SGCZ: variants seen among roughly 807,000 people sequenced by gnomAD.
SGCZ encodes the protein sarcoglycan zeta.
In SGCZ, 40 loss-of-function variants were observed where a neutral mutation model predicts 41.3. That is an observed-to-expected ratio of 0.97 (90% confidence interval 0.75 to 1.26). SGCZ has a LOEUF of 1.26. SGCZ is among the 50% of genes most tolerant of loss of function. The pLI is 0.00. For missense variants in SGCZ, 552 were observed against 369.8 expected (o/e 1.49, Z -4.04); for synonymous variants, 206 against 137.5 (o/e 1.50, Z -3.49).
chr8:14,869,719 G>A (rs761659253), intron 1 of SGCZ, among the ~76,000 whole-genome samples: 3 of 152,066 alleles, frequency 2.0e-5, no homozygotes, highest in Admixed American at 1.3e-4. Flanking sequence ...TCTCTTTAAG[G>A]TGATAAGCAA....
intron 1 of SGCZ, among the ~76,000 whole-genome samples, chr8:14,875,251 A>G (rs1478638777): frequency 6.6e-6 from 1 of 152,194 alleles, no homozygotes; most frequent in Non-Finnish European, 1.5e-5. Context: ...CAGAAAGGTC[A>G]AGAGGGTACT....
chr8:14,496,929 C>T (rs555160245), intron 2 of SGCZ, among the ~76,000 whole-genome samples: 173 of 152,200 alleles, frequency 1.1e-3, no homozygotes, highest in Non-Finnish European at 2.2e-3. Flanking sequence ...TACATTCCCA[C>T]ATTGTTGTAG....
intron 1 of SGCZ, among the ~76,000 whole-genome samples, chr8:15,217,416 CAAAA>C (rs35784389): frequency 8.4e-6 from 1 of 118,814 alleles, no homozygotes. Flanking sequence ...GACTCCGTCT[CAAAA>C]AAAAAAAAAA....
At chr8:15,060,472 G>A (rs111698189) in intron 1 of SGCZ, among the ~76,000 whole-genome samples, 11,584 of 131,122 alleles carry the variant, frequency 0.088, 725 homozygotes, top group African/African-American at 0.19. Flanking sequence ...TGAACAATGA[G>A]AACACTTGGA....
At chr8:15,186,613 G>A (rs1800353386) in intron 1 of SGCZ, among the ~76,000 whole-genome samples, 1 of 152,044 alleles carries the variant, frequency 6.6e-6, no homozygotes. Flanking sequence ...TTCAAAAGAT[G>A]GCATTAAAAT....
intron 2 of SGCZ, among the ~76,000 whole-genome samples, chr8:14,353,598 T>C (rs1803180499): frequency 6.6e-6 from 1 of 152,126 alleles, no homozygotes. Flanking sequence ...ACCCTTGATG[T>C]CTTCCTTTCA....
chr8:14,503,337 C>T (rs983847867), intron 2 of SGCZ, among the ~76,000 whole-genome samples: 8 of 152,038 alleles, frequency 5.3e-5, no homozygotes, highest in African/African-American at 7.2e-5. Flanking sequence ...AGGAGGAATA[C>T]CTAACGTAGA....
chr8:14,704,495 C>T (rs1809265756), intron 1 of SGCZ, among the ~76,000 whole-genome samples: 1 of 151,814 alleles, frequency 6.6e-6, no homozygotes, highest in Non-Finnish European at 1.5e-5. Context: ...ATTAATTCAC[C>T]TTAATGATTA....
At chr8:14,497,111 A>G (rs1398965029) in intron 2 of SGCZ, among the ~76,000 whole-genome samples, 1 of 152,196 alleles carries the variant, frequency 6.6e-6, no homozygotes, top group Non-Finnish European at 1.5e-5. Context: ...GTTACGCGTC[A>G]CAATCTGTCA....
At chr8:14,636,892 T>C (rs765734589) in intron 1 of SGCZ, among the ~76,000 whole-genome samples, 1 of 151,900 alleles carries the variant, frequency 6.6e-6, no homozygotes, top group Admixed American at 6.6e-5. Context: ...TGGAAATGTT[T>C]TATTACTAAA....
intron 3 of SGCZ, among the ~76,000 whole-genome samples, chr8:14,246,183 A>T (rs1490805732): frequency 5.9e-5 from 9 of 152,200 alleles, no homozygotes; most frequent in Admixed American, 5.9e-4. Flanking sequence ...AATAGCAAAG[A>T]CTTGGAACCA....
At chr8:14,794,888 A>T (rs1403887064) in intron 1 of SGCZ, among the ~76,000 whole-genome samples, 4 of 152,198 alleles carry the variant, frequency 2.6e-5, no homozygotes, top group African/African-American at 9.6e-5. Flanking sequence ...AAATGCCTTT[A>T]AAAAATCTAA....
intron 1 of SGCZ, among the ~76,000 whole-genome samples, chr8:14,718,885 G>A (rs1179362448): frequency 7.1e-6 from 1 of 141,648 alleles, no homozygotes; most frequent in Non-Finnish European, 1.5e-5. Flanking sequence ...TTTGTTTTAG[G>A]GCACATGTGC....
intron 1 of SGCZ, among the ~76,000 whole-genome samples, chr8:14,893,961 T>C (rs966507567): frequency 6.6e-6 from 1 of 152,144 alleles, no homozygotes; most frequent in African/African-American, 2.4e-5. Context: ...TTCTATGCTG[T>C]TTGTAACACT....
At chr8:14,723,365 C>T (rs1345296572) in intron 1 of SGCZ, among the ~76,000 whole-genome samples, 1 of 152,196 alleles carries the variant, frequency 6.6e-6, no homozygotes, top group African/African-American at 2.4e-5. Flanking sequence ...GACTGGGGCA[C>T]TGCCCACTCT....
intron 2 of SGCZ, among the ~76,000 whole-genome samples, chr8:14,470,611 T>C (rs1346893987): frequency 6.6e-6 from 1 of 152,172 alleles, no homozygotes; most frequent in Non-Finnish European, 1.5e-5. Context: ...TCCATTTATT[T>C]TCTGTCCAAG....
At chr8:14,854,942 A>T (rs1412079919) in intron 1 of SGCZ, among the ~76,000 whole-genome samples, 3 of 151,328 alleles carry the variant, frequency 2.0e-5, no homozygotes, top group Non-Finnish European at 4.4e-5. Context: ...GCAGAGGTCC[A>T]TGCTATGGCC....
At chr8:14,450,847 T>C (rs1371957498) in intron 2 of SGCZ, among the ~76,000 whole-genome samples, 1 of 152,178 alleles carries the variant, frequency 6.6e-6, no homozygotes, top group Non-Finnish European at 1.5e-5. Flanking sequence ...TTTTTCCTGA[T>C]ATGTGTATTC....
intron 1 of SGCZ, among the ~76,000 whole-genome samples, chr8:14,966,347 T>A (rs563059501): frequency 6.6e-6 from 1 of 151,862 alleles, no homozygotes; most frequent in African/African-American, 2.4e-5. Flanking sequence ...TTGTATATTA[T>A]TATTTTATTT....
Sources: gnomAD v4.1 joint callset for allele counts (sites outside exome capture counted in the v4.1 genomes callset) on GRCh38, gnomAD v4.1.1 for gene constraint, MANE v1.5 for transcripts, NCBI Gene and HGNC (gene_info 2026-07-23, HGNC 2026-07-21) for gene names.